CACNA2D1: variants seen among roughly 807,000 people sequenced by gnomAD.
CACNA2D1 encodes the protein voltage-dependent calcium channel subunit alpha-2/delta-1.
In CACNA2D1, 53 loss-of-function variants were observed where a neutral mutation model predicts 171.5. That is an observed-to-expected ratio of 0.31 (90% confidence interval 0.25 to 0.39). CACNA2D1 has a LOEUF of 0.39. Ranked by LOEUF, CACNA2D1 falls within the 10% of genes least tolerant of loss-of-function variation. The pLI is 1.00. For missense variants in CACNA2D1, 903 were observed against 1,299.8 expected (o/e 0.69, Z 4.69); for synonymous variants, 442 against 443.1 (o/e 1.00, Z 0.03).
chr7:82,261,621 T>C (rs1416038688), intron 3 of CACNA2D1, among the ~76,000 whole-genome samples: 2 of 152,204 alleles, frequency 1.3e-5, no homozygotes, highest in East Asian at 1.9e-4. Context: ...TAATCTAGGA[T>C]AAGCAATCGT....
chr7:82,259,536 T>C (rs556539199), intron 3 of CACNA2D1, among the ~76,000 whole-genome samples: 1 of 152,342 alleles, frequency 6.6e-6, no homozygotes, highest in East Asian at 1.9e-4. Flanking sequence ...TAAGCCTGAA[T>C]TTGAATGTGA....
At chr7:82,066,632 C>A (rs1011209226) in intron 7 of CACNA2D1, 108 bp from the exon 8 acceptor site, 1 of 1,431,652 alleles carries the variant, frequency 7.0e-7, no homozygotes, top group Non-Finnish European at 9.3e-7. Flanking sequence ...ATTTCACTTA[C>A]GTACTTCAAT....
At chr7:82,165,323 C>T (rs1480756389) in intron 4 of CACNA2D1, among the ~76,000 whole-genome samples, 4 of 151,982 alleles carry the variant, frequency 2.6e-5, no homozygotes, top group African/African-American at 9.7e-5. Context: ...TGTCTGACTG[C>T]AGGGGCTTCC....
intron 3 of CACNA2D1, among the ~76,000 whole-genome samples, chr7:82,317,542 C>T (rs144553141): frequency 1.3e-5 from 2 of 152,264 alleles, no homozygotes; most frequent in Middle Eastern, 3.4e-3. Flanking sequence ...AGAATCTTTG[C>T]GGTGACTAAA....
chr7:82,083,685 G>A (rs1048927881), intron 7 of CACNA2D1, among the ~76,000 whole-genome samples: 13 of 151,804 alleles, frequency 8.6e-5, no homozygotes, highest in Admixed American at 2.6e-4. Flanking sequence ...GGACTTATGC[G>A]GAAAAAAATT....
intron 3 of CACNA2D1, among the ~76,000 whole-genome samples, chr7:82,216,409 C>T (rs988880388): frequency 6.6e-6 from 1 of 152,124 alleles, no homozygotes; most frequent in African/African-American, 2.4e-5. Flanking sequence ...GACATTCACT[C>T]CTCTTTCTGT....
chr7:82,103,732 T>C (rs1424259745), intron 6 of CACNA2D1, among the ~76,000 whole-genome samples: 1 of 152,086 alleles, frequency 6.6e-6, no homozygotes, highest in Non-Finnish European at 1.5e-5. Context: ...GCACATCCTT[T>C]CTGAGAAAAC....
At chr7:82,120,589 AG>A (rs1212457729) in intron 5 of CACNA2D1, among the ~76,000 whole-genome samples, 1 of 146,076 alleles carries the variant, frequency 6.8e-6, no homozygotes, top group Non-Finnish European at 1.5e-5. Flanking sequence ...TAAAAAGTAA[AG>A]TTTAGGCCAG....
At chr7:82,387,437 AAAAACATACATGTTTAGC>A (rs1420193947) in intron 1 of CACNA2D1, among the ~76,000 whole-genome samples, 7 of 152,244 alleles carry the variant, frequency 4.6e-5, no homozygotes, top group Non-Finnish European at 7.3e-5. Flanking sequence ...AGTCAAAAAC[AAAAACATACATGTTTAGC>A]AATATTGTTA....
At chr7:82,159,756 A>G (rs1274380322) in intron 4 of CACNA2D1, among the ~76,000 whole-genome samples, 1 of 144,346 alleles carries the variant, frequency 6.9e-6, no homozygotes, top group East Asian at 2.0e-4. Flanking sequence ...AGACATGTAC[A>G]CAGCCAAAGC....
chr7:82,405,716 G>A (rs1037552514), intron 1 of CACNA2D1, among the ~76,000 whole-genome samples: 16 of 152,110 alleles, frequency 1.1e-4, no homozygotes, highest in African/African-American at 3.4e-4. Flanking sequence ...AGTGGTGTCT[G>A]GTGGAATACA....
intron 2 of CACNA2D1, among the ~76,000 whole-genome samples, chr7:82,345,681 A>ATTGT (rs1819160414): frequency 6.8e-6 from 1 of 146,350 alleles, no homozygotes; most frequent in Non-Finnish European, 1.5e-5. Flanking sequence ...TAGCTAAAGG[A>ATTGT]GTGTGTGTGT....
chr7:82,101,228 G>A (rs1812641711), intron 6 of CACNA2D1, among the ~76,000 whole-genome samples: 1 of 152,104 alleles, frequency 6.6e-6, no homozygotes, highest in Admixed American at 6.5e-5. Context: ...TTTGAAGTTT[G>A]GAACCAAGTG....
chr7:82,139,761 T>A (rs1424307973), intron 4 of CACNA2D1, among the ~76,000 whole-genome samples: 1 of 151,468 alleles, frequency 6.6e-6, no homozygotes, highest in Non-Finnish European at 1.5e-5. Context: ...CCTTTCTTGT[T>A]ACTAAGTATT....
intron 3 of CACNA2D1, among the ~76,000 whole-genome samples, chr7:82,280,278 T>C (rs889632235): frequency 6.6e-6 from 1 of 152,190 alleles, no homozygotes; most frequent in South Asian, 2.1e-4. Flanking sequence ...CATGTACATA[T>C]ATATTACATA....
intron 3 of CACNA2D1, among the ~76,000 whole-genome samples, chr7:82,288,061 C>T (rs1180195083): frequency 4.7e-5 from 7 of 150,014 alleles, no homozygotes; most frequent in African/African-American, 1.7e-4. Context: ...GGGATGGACT[C>T]GATCTCCTGA....
intron 1 of CACNA2D1, among the ~76,000 whole-genome samples, chr7:82,371,675 A>G (rs1822434139): frequency 6.6e-6 from 1 of 152,242 alleles, no homozygotes; most frequent in South Asian, 2.1e-4. Flanking sequence ...CCCGGACTCA[A>G]GCGATTCCCC....
chr7:82,173,217 C>T (rs1445401733), intron 3 of CACNA2D1, among the ~76,000 whole-genome samples: 1 of 151,976 alleles, frequency 6.6e-6, no homozygotes, highest in Non-Finnish European at 1.5e-5. Context: ...ATAACAGTGG[C>T]AACAAACTAT....
At chr7:81,970,916 G>A (rs1354067485) in intron 26 of CACNA2D1, 179 bp from the exon 27 acceptor site, 7 of 582,096 alleles carry the variant, frequency 1.2e-5, no homozygotes, top group African/African-American at 1.9e-5. Context: ...GATGTTTAAG[G>A]AAGACATCTC....
Sources: allele counts gnomAD v4.1 joint callset (sites outside exome capture counted in the v4.1 genomes callset), GRCh38; gene constraint gnomAD v4.1.1; transcripts MANE v1.5; gene names NCBI Gene and HGNC (gene_info 2026-07-23, HGNC 2026-07-21).